The following L3MBTL4 variants were observed in gnomAD, a reference collection of about 807,000 sequenced individuals.
L3MBTL4 encodes the protein L3MBTL histone methyl-lysine binding protein 4, also known as lethal(3)malignant brain tumor-like protein 4.
In L3MBTL4, 70 loss-of-function variants were observed where a neutral mutation model predicts 84.5. That is an observed-to-expected ratio of 0.83 (90% CI 0.68 to 1.01). The LOEUF (loss-of-function observed/expected upper bound fraction) is 1.01. Ranked by LOEUF, L3MBTL4 falls within the 50% of genes least tolerant of loss-of-function variation. The pLI is 0.00. For synonymous variants in L3MBTL4, 274 were observed against 259.8 expected (o/e 1.05, Z -0.52); for missense variants, 715 against 754.8 (o/e 0.95, Z 0.62).
intron 14 of L3MBTL4, among the ~76,000 whole-genome samples, chr18:6,100,096 C>T (rs1246639588): frequency 6.6e-6 from 1 of 152,096 alleles, no homozygotes; most frequent in Non-Finnish European, 1.5e-5. Context: ...GAAAGCTACT[C>T]GCTCTATAAC....
intron 1 of L3MBTL4, among the ~76,000 whole-genome samples, chr18:6,321,501 T>C (rs2051402287): frequency 6.6e-6 from 1 of 152,178 alleles, no homozygotes; most frequent in African/African-American, 2.4e-5. Flanking sequence ...GAAAACACTA[T>C]GGAGAGTTCT....
intron 16 of L3MBTL4, among the ~76,000 whole-genome samples, chr18:6,017,337 G>A (rs919035350): frequency 1.2e-4 from 18 of 145,246 alleles, no homozygotes; most frequent in Admixed American, 4.2e-4. Context: ...ATGCTGGCGC[G>A]CCACAGCCGC....
At chr18:6,168,707 C>G (rs2043809267) in intron 13 of L3MBTL4, among the ~76,000 whole-genome samples, 2 of 151,956 alleles carry the variant, frequency 1.3e-5, no homozygotes, top group African/African-American at 2.4e-5. Flanking sequence ...CATGTTAGAC[C>G]TAAAACCATA....
At chr18:6,220,557 T>C (rs897547743) in intron 10 of L3MBTL4, among the ~76,000 whole-genome samples, 3 of 152,136 alleles carry the variant, frequency 2.0e-5, no homozygotes, top group East Asian at 3.9e-4. Context: ...CTAACCCCAT[T>C]ACTTGCCTTA....
At chr18:6,116,200 A>C (rs2059353937) in intron 14 of L3MBTL4, among the ~76,000 whole-genome samples, 2 of 152,158 alleles carry the variant, frequency 1.3e-5, no homozygotes, top group Admixed American at 1.3e-4. Flanking sequence ...AGGGTTCAGC[A>C]ACAAGGAGGC....
chr18:6,322,253 G>T (rs886667093), intron 1 of L3MBTL4, among the ~76,000 whole-genome samples: 3 of 151,812 alleles, frequency 2.0e-5, no homozygotes, highest in Non-Finnish European at 4.4e-5. Context: ...TGGGAGGATT[G>T]CATGAGCATT....
At chr18:6,131,641 T>G (rs996254921) in intron 14 of L3MBTL4, among the ~76,000 whole-genome samples, 7 of 152,150 alleles carry the variant, frequency 4.6e-5, no homozygotes, top group African/African-American at 1.7e-4. Context: ...CAGCAAAGAT[T>G]TAAAAATTTT....
chr18:6,066,064 C>T (rs2057388271), intron 16 of L3MBTL4, among the ~76,000 whole-genome samples: 1 of 152,014 alleles, frequency 6.6e-6, no homozygotes, highest in Non-Finnish European at 1.5e-5. Context: ...TCATTATTAT[C>T]ATTCATTTTC....
intron 10 of L3MBTL4, among the ~76,000 whole-genome samples, chr18:6,232,633 G>A (rs1317864132): frequency 3.9e-5 from 6 of 151,970 alleles, no homozygotes; most frequent in Admixed American, 3.9e-4. Context: ...AATAAAATGT[G>A]AGCAAAACAT....
chr18:6,238,279 A>T (rs1000880806), intron 9 of L3MBTL4, among the ~76,000 whole-genome samples: 1 of 152,232 alleles, frequency 6.6e-6, no homozygotes, highest in African/African-American at 2.4e-5. Flanking sequence ...CACGCCTGTA[A>T]TCCCAGCATT....
chr18:6,365,477 T>C (rs2053895371), intron 1 of L3MBTL4, among the ~76,000 whole-genome samples: 1 of 152,208 alleles, frequency 6.6e-6, no homozygotes, highest in African/African-American at 2.4e-5. Context: ...AAATGGAAGA[T>C]TTATTCTACT....
At chr18:5,985,506 A>G (rs1294473216) in intron 16 of L3MBTL4, among the ~76,000 whole-genome samples, 1 of 152,166 alleles carries the variant, frequency 6.6e-6, no homozygotes, top group Admixed American at 6.5e-5. Context: ...GAGGCACAAA[A>G]AGGGAATGGA....
chr18:6,136,554 G>A (rs753113065), intron 14 of L3MBTL4, among the ~76,000 whole-genome samples: 5 of 152,294 alleles, frequency 3.3e-5, no homozygotes, highest in Middle Eastern at 3.4e-3. Flanking sequence ...TGTTTGCATA[G>A]GAGTGTAACT....
intron 12 of L3MBTL4, among the ~76,000 whole-genome samples, chr18:6,202,781 GT>G (rs1342136183): frequency 1.3e-5 from 2 of 152,288 alleles, no homozygotes; most frequent in Non-Finnish European, 2.9e-5. Context: ...GAAGAAAAAG[GT>G]TTGTGTATTG....
At chr18:6,269,910 G>A (rs2048793460) in intron 4 of L3MBTL4, among the ~76,000 whole-genome samples, 3 of 152,218 alleles carry the variant, frequency 2.0e-5, no homozygotes, top group Admixed American at 1.3e-4. Flanking sequence ...GCAAATGGCA[G>A]GGGTAAAGAA....
intron 13 of L3MBTL4, among the ~76,000 whole-genome samples, chr18:6,149,199 TC>T (rs1414886109): frequency 1.5e-5 from 1 of 67,722 alleles, no homozygotes; most frequent in Admixed American, 2.2e-4. Flanking sequence ...CCCTCCCCCC[TC>T]CCCCCACCCC....
At chr18:6,148,203 A>C (rs544455436) in intron 13 of L3MBTL4, among the ~76,000 whole-genome samples, 1 of 152,338 alleles carries the variant, frequency 6.6e-6, no homozygotes, top group Non-Finnish European at 1.5e-5. Context: ...ATATCTCCCC[A>C]TTCAAAAATG....
intron 4 of L3MBTL4, among the ~76,000 whole-genome samples, chr18:6,282,339 G>A (rs1178345709): frequency 1.3e-5 from 2 of 152,168 alleles, no homozygotes; most frequent in Non-Finnish European, 2.9e-5. Context: ...GCACAGAATA[G>A]GAGCCCAAGA....
intron 4 of L3MBTL4, among the ~76,000 whole-genome samples, chr18:6,280,076 C>T (rs931899233): frequency 3.9e-5 from 6 of 152,182 alleles, no homozygotes; most frequent in African/African-American, 1.4e-4. Flanking sequence ...CTCAACTCCA[C>T]AGCTCGCTAA....
Sources: allele counts gnomAD v4.1 joint callset (sites outside exome capture counted in the v4.1 genomes callset), GRCh38; gene constraint gnomAD v4.1.1; transcripts MANE v1.5; gene names NCBI Gene and HGNC (gene_info 2026-07-23, HGNC 2026-07-21).